Variants in ACTR3C observed in about 807,000 individuals in gnomAD.
ACTR3C encodes actin-related protein 3C.
In ACTR3C, 18 loss-of-function variants were observed where a neutral mutation model predicts 26.3. That is an observed-to-expected ratio of 0.68 (90% confidence interval 0.47 to 1.01). The LOEUF (loss-of-function observed/expected upper bound fraction) is 1.01. Among genes scored for constraint, ACTR3C ranks in the 50% least tolerant of loss-of-function variants. The pLI, the probability that ACTR3C is intolerant of heterozygous loss-of-function variation, is 0.00. For synonymous variants in ACTR3C, 55 were observed against 94.5 expected, an observed-to-expected ratio of 0.58 and a Z score of 2.42; for missense variants, 184 against 250.7, an observed-to-expected ratio of 0.73 and a Z score of 1.80.
At chr7:149,945,829 G>A in the ACTR3C span, among the ~76,000 whole-genome samples, 4 of 152,222 alleles carry the variant, frequency 2.6e-5, no homozygotes, top group Admixed American at 2.6e-4. Flanking sequence ...CACGGACAGT[G>A]GTAGTCAGTC....
chr7:150,116,718 A>ATGTG, the ACTR3C span, among the ~76,000 whole-genome samples: 20 of 149,886 alleles, frequency 1.3e-4, no homozygotes, highest in East Asian at 5.9e-4. Context: ...CTTGTGACAC[A>ATGTG]TGTGTGTGTG....
chr7:149,958,839 G>C, the ACTR3C span, among the ~76,000 whole-genome samples: 11 of 152,216 alleles, frequency 7.2e-5, no homozygotes, highest in Non-Finnish European at 1.5e-4. Context: ...AGCCAAGTTG[G>C]CATCTTAGGA....
At chr7:150,080,527 A>G in the ACTR3C span, among the ~76,000 whole-genome samples, 353 of 142,660 alleles carry the variant, frequency 2.5e-3, 5 homozygotes, top group South Asian at 0.03. Flanking sequence ...TTGTGTGTGT[A>G]TGTGTGTGTG....
At chr7:150,226,116 C>T in the ACTR3C span, among the ~76,000 whole-genome samples, 1 of 152,200 alleles carries the variant, frequency 6.6e-6, no homozygotes, top group South Asian at 2.1e-4. Flanking sequence ...ATCTTGGTTA[C>T]TTCTAGTTTT....
At chr7:150,118,614 G>A in the ACTR3C span, among the ~76,000 whole-genome samples, 14 of 145,078 alleles carry the variant, frequency 9.6e-5, no homozygotes, top group Non-Finnish European at 1.8e-4. Flanking sequence ...TTTGATTGGT[G>A]TACCTGAAAG....
At chr7:150,178,012 A>G in the ACTR3C span, among the ~76,000 whole-genome samples, 1 of 150,830 alleles carries the variant, frequency 6.6e-6, no homozygotes, top group African/African-American at 2.5e-5. Context: ...CTAAGATAAC[A>G]TTGATTATGA....
At chr7:150,233,070 T>TA in the ACTR3C span, among the ~76,000 whole-genome samples, 2 of 152,184 alleles carry the variant, frequency 1.3e-5, no homozygotes, top group Non-Finnish European at 2.9e-5. Context: ...CTTCCTTTGT[T>TA]ACGCAGATTT....
Position 150,323,515 on chromosome 7 carries a change from C to T in ACTR3C, c.-98G>A. 2.3e-6 allele frequency: 1 copy of T among 436,754 alleles called. No homozygotes were observed. Among genetic ancestry groups the T allele is most frequent in the Non-Finnish European group, 4.6e-6 (1 of 219,500 alleles). 27.1% of individuals were successfully genotyped at this position (436,754 alleles called of 1,614,324 possible). A position where few individuals can be genotyped will look rare whatever the true frequency, so the allele number is the denominator to read the frequency against. On this transcript the variant is annotated 5_prime_UTR_variant, in exon 1 of 8. Coordinates refer to ENST00000683684, the MANE Select transcript of ACTR3C (RefSeq NM_001164458.2). ...TGCGGTGCGGAGTTGCGCCGGACTT[C>T]CCAGCTTGGCCAGTGGCTCCGCAGG...
At chr7:150,139,246 C>T in the ACTR3C span, among the ~76,000 whole-genome samples, 1,147 of 152,250 alleles carry the variant, frequency 7.5e-3, 1 homozygote, top group African/African-American at 0.026. Flanking sequence ...CAGACAGCAG[C>T]GAGGGAAGCT....
At chr7:149,891,046 G>A in the ACTR3C span, 1 of 892,924 alleles carries the variant, frequency 1.1e-6, no homozygotes, top group East Asian at 4.1e-5. Flanking sequence ...CGTTTTTATT[G>A]AGCTTTATTT....
intron 6 of ACTR3C, among the ~76,000 whole-genome samples, chr7:150,270,177 G>A: frequency 1.4e-5 from 1 of 72,636 alleles, no homozygotes; most frequent in Admixed American, 1.6e-4. Context: ...AAAAGCAAAG[G>A]AAACCAGGCA....
the ACTR3C span, among the ~76,000 whole-genome samples, chr7:150,185,480 G>A: frequency 7.6e-3 from 1,159 of 152,232 alleles, 14 homozygotes; most frequent in African/African-American, 0.026. Flanking sequence ...GACTGAATTC[G>A]TTTATTTTCA....
chr7:150,060,408 T>A, the ACTR3C span, among the ~76,000 whole-genome samples: 1 of 152,148 alleles, frequency 6.6e-6, no homozygotes, highest in Non-Finnish European at 1.5e-5. Flanking sequence ...CATGGATTTC[T>A]CTTTTATTCT....
the ACTR3C span, among the ~76,000 whole-genome samples, chr7:150,169,388 G>GAA: frequency 0.038 from 4,578 of 120,098 alleles, 240 homozygotes; most frequent in African/African-American, 0.079. Context: ...ATTTCAAAAG[G>GAA]AAAAAAAAAA....
chr7:150,006,003 T>A, the ACTR3C span, among the ~76,000 whole-genome samples: 1 of 152,030 alleles, frequency 6.6e-6, no homozygotes, highest in Non-Finnish European at 1.5e-5. Flanking sequence ...GCTGCTGGAC[T>A]GAGATTCTAC....
chr7:150,198,939 C>A, the ACTR3C span, among the ~76,000 whole-genome samples: 1 of 140,160 alleles, frequency 7.1e-6, no homozygotes, highest in African/African-American at 2.9e-5. Context: ...GTGGGGGGGT[C>A]AGCCCCCTGC....
the ACTR3C span, among the ~76,000 whole-genome samples, chr7:150,051,387 C>CT: frequency 6.8e-6 from 1 of 146,750 alleles, no homozygotes; most frequent in Non-Finnish European, 1.5e-5. Flanking sequence ...CACACACACA[C>CT]ACACACACAC....
the ACTR3C span, among the ~76,000 whole-genome samples, chr7:150,175,750 G>A: frequency 6.8e-6 from 1 of 146,422 alleles, no homozygotes; most frequent in Non-Finnish European, 1.5e-5. Flanking sequence ...GGGAAGCGGA[G>A]GTTGCAGTGA....
the ACTR3C span, among the ~76,000 whole-genome samples, chr7:150,127,139 GACACACACACACACACAC>G: frequency 6.9e-3 from 892 of 129,674 alleles, 2 homozygotes; most frequent in Non-Finnish European, 0.011. Context: ...CCTACCATTA[GACACACACACACACACAC>G]ACACACACAC....
Sources: gnomAD v4.1 joint callset for allele counts (sites outside exome capture counted in the v4.1 genomes callset) on GRCh38, gnomAD v4.1.1 for gene constraint, MANE v1.5 for transcripts, NCBI Gene and HGNC (gene_info 2026-07-23, HGNC 2026-07-21) for gene names.